BRAF: variants seen among roughly 807,000 people sequenced by gnomAD.
BRAF encodes B-Raf proto-oncogene, serine/threonine kinase, also known as serine/threonine-protein kinase B-raf.
In BRAF, 16 loss-of-function variants were observed where a neutral mutation model predicts 104.6. That is an observed-to-expected ratio of 0.15 (90% confidence interval 0.10 to 0.23). BRAF has a LOEUF of 0.23. Among genes scored for constraint, BRAF ranks in the 10% least tolerant of loss-of-function variants. The probability of loss-of-function intolerance (pLI) is 1.00; values close to 1 mark genes in which losing one functional copy is unlikely to be tolerated. For missense variants in BRAF, 541 were observed against 937.3 expected (o/e 0.58, Z 5.52); for synonymous variants, 310 against 341.6 (o/e 0.91, Z 1.02).
intron 1 of BRAF, among the ~76,000 whole-genome samples, chr7:140,878,460 A>C (rs1812506135): frequency 2.0e-5 from 3 of 152,214 alleles, no homozygotes; most frequent in Admixed American, 6.5e-5. Context: ...GAATATTCTC[A>C]AGAAAGTGAA....
the BRAF span, among the ~76,000 whole-genome samples, chr7:140,714,021 G>T: frequency 6.6e-6 from 1 of 152,152 alleles, no homozygotes; most frequent in African/African-American, 2.4e-5. Flanking sequence ...CGCCCGTACT[G>T]GGGGGTGCCT....
In BRAF at chr7:140,724,608, C is replaced by T. The variant is rs912525880; in HGVS notation, c.*1886G>A. On this transcript the variant is annotated 3_prime_UTR_variant, in exon 20 of 20. Transcript: ENST00000644969. ...ACAAGACAATGAAAATTTCAATAGG[C>T]TTTCTTCTGAATACATGTATGTTAG... 1.8e-5 allele frequency: 19 copies of T among 1,038,228 alleles called. No homozygotes were observed. The African/African-American group carries it at 2.7e-4, about 15-fold the overall frequency. The allele number at this position is 1,038,228 out of a possible 1,614,324, so 64.3% of individuals were successfully genotyped here.
chr7:140,818,727 T>C (rs1805154390), intron 3 of BRAF, among the ~76,000 whole-genome samples: 1 of 152,224 alleles, frequency 6.6e-6, no homozygotes, highest in Admixed American at 6.5e-5. Flanking sequence ...GCAATTATCT[T>C]TACAATACTA....
chr7:140,827,199 T>C (rs1160903394), intron 3 of BRAF, among the ~76,000 whole-genome samples: 1 of 152,226 alleles, frequency 6.6e-6, no homozygotes, highest in Non-Finnish European at 1.5e-5. Flanking sequence ...AGTCTAACCC[T>C]GCTGTTTTAA....
At chr7:140,879,802 G>A (rs2129102332) in intron 1 of BRAF, among the ~76,000 whole-genome samples, 1 of 151,182 alleles carries the variant, frequency 6.6e-6, no homozygotes, top group African/African-American at 2.4e-5. Context: ...CGTGATTTTG[G>A]CTCACTGCAA....
chr7:140,760,937 A>G (rs1470466106), intron 14 of BRAF, among the ~76,000 whole-genome samples: 1 of 152,194 alleles, frequency 6.6e-6, no homozygotes, highest in East Asian at 1.9e-4. Flanking sequence ...AGTGACGGGG[A>G]GAATGGAACC....
chr7:140,915,413 T>C (rs887526797), intron 1 of BRAF, among the ~76,000 whole-genome samples: 2 of 151,956 alleles, frequency 1.3e-5, no homozygotes, highest in Non-Finnish European at 2.9e-5. Context: ...ATTCCCCAAC[T>C]TAAATATAAT....
chr7:140,858,531 C>T (rs1810052973), intron 1 of BRAF, among the ~76,000 whole-genome samples: 1 of 152,160 alleles, frequency 6.6e-6, no homozygotes, highest in East Asian at 1.9e-4. Flanking sequence ...GAGAACAAAA[C>T]AGTAGGTGGT....
intron 1 of BRAF, among the ~76,000 whole-genome samples, chr7:140,913,551 TG>T (rs1210266481): frequency 6.2e-5 from 9 of 145,662 alleles, no homozygotes; most frequent in Non-Finnish European, 1.3e-4. Flanking sequence ...GGCGCGATCT[TG>T]GCTCACTGCA....
intron 5 of BRAF, among the ~76,000 whole-genome samples, chr7:140,805,677 C>T (rs957890594): frequency 3.3e-5 from 5 of 151,996 alleles, no homozygotes; most frequent in African/African-American, 1.2e-4. Flanking sequence ...TGAGTGTCTG[C>T]AGAAAAAGGA....
intron 2 of BRAF, 108 bp downstream of exon 2, chr7:140,850,003 T>C: frequency 1.2e-6 from 1 of 815,964 alleles, no homozygotes; most frequent in South Asian, 1.5e-5. Context: ...TTCCCAAATC[T>C]ATTCCTAATC....
intron 17 of BRAF, among the ~76,000 whole-genome samples, chr7:140,744,130 C>T (rs1797159116): frequency 6.6e-6 from 1 of 152,150 alleles, no homozygotes; most frequent in Admixed American, 6.5e-5. Context: ...ATGGGCCATG[C>T]CAGACAGACT....
intron 3 of BRAF, among the ~76,000 whole-genome samples, chr7:140,821,737 T>C (rs1805508471): frequency 6.6e-6 from 1 of 152,114 alleles, no homozygotes; most frequent in African/African-American, 2.4e-5. Flanking sequence ...GCTCGGTATA[T>C]ATACATCCAA....
At chr7:140,782,463 C>CA (rs56390228) in intron 11 of BRAF, among the ~76,000 whole-genome samples, 14,387 of 103,404 alleles carry the variant, frequency 0.14, 866 homozygotes, top group African/African-American at 0.19. Flanking sequence ...TCGGTCTTTC[C>CA]AAAAAAAAAA....
intron 3 of BRAF, among the ~76,000 whole-genome samples, chr7:140,815,238 C>A (rs970137667): frequency 1.3e-5 from 2 of 151,498 alleles, no homozygotes; most frequent in East Asian, 1.9e-4. Context: ...CCCGGGCTCA[C>A]GCCATTCTCC....
intron 17 of BRAF, chr7:140,747,459 A>G (rs1482170995): frequency 3.1e-6 from 4 of 1,273,210 alleles, no homozygotes; most frequent in African/African-American, 3.1e-5. Context: ...TAAAATGCCA[A>G]GAAGTGGATG....
rs973937822 is a variant in BRAF, at chr7:140,724,568, C to T, written c.*1926G>A. ...TAACTTAAGGATCTTTTCCATTTTACTAGGACAACCTTTTACAAGACAATG... is the reference window on the plus strand; with the variant it reads ...TAACTTAAGGATCTTTTCCATTTTATTAGGACAACCTTTTACAAGACAATG... On this transcript the variant is annotated 3_prime_UTR_variant, in exon 20 of 20. Transcript: ENST00000644969. 3 of 1,040,844 alleles carry T rather than the reference C, an allele frequency of 2.9e-6. 1 individual carries two copies. The highest frequency in any genetic ancestry group is 9.2e-5 in the South Asian group (2 of 21,758). The allele number at this position is 1,040,844 out of a possible 1,614,324, so 64.5% of individuals were successfully genotyped here.
chr7:140,779,097 G>A (rs184077696), intron 12 of BRAF, among the ~76,000 whole-genome samples: 5 of 152,342 alleles, frequency 3.3e-5, no homozygotes, highest in African/African-American at 1.2e-4. Context: ...AAACAATGTT[G>A]AGTGAAAAGG....
chr7:140,810,286 A>G (rs1438221651), intron 3 of BRAF, among the ~76,000 whole-genome samples: 2 of 151,654 alleles, frequency 1.3e-5, no homozygotes, highest in Non-Finnish European at 2.9e-5. Context: ...AAAACTATCC[A>G]GGTTGGGTGC....
Sources: allele counts gnomAD v4.1 joint callset (sites outside exome capture counted in the v4.1 genomes callset), GRCh38; gene constraint gnomAD v4.1.1; transcripts MANE v1.5; gene names NCBI Gene and HGNC (gene_info 2026-07-23, HGNC 2026-07-21).